CFAP77: variants seen among roughly 807,000 people sequenced by gnomAD.
CFAP77 encodes cilia- and flagella-associated protein 77.
Under a neutral mutation model 31.1 loss-of-function variants are expected in CFAP77, and 25 were observed. The observed-to-expected ratio is 0.80, with a 90% CI of 0.59 to 1.12. The LOEUF (loss-of-function observed/expected upper bound fraction) is 1.12, where lower values mean the gene tolerates loss of function less well. Among genes scored for constraint, CFAP77 ranks in the 50% most tolerant of loss-of-function variants. CFAP77 has a pLI of 0.00. For missense variants in CFAP77, 377 were observed against 397.3 expected, an observed-to-expected ratio of 0.95 and a Z score of 0.44; for synonymous variants, 151 against 159.9, an observed-to-expected ratio of 0.94 and a Z score of 0.42.
At chr9:132,532,726 T>C (rs1852475230) in intron 3 of CFAP77, among the ~76,000 whole-genome samples, 2 of 152,172 alleles carry the variant, frequency 1.3e-5, no homozygotes, top group East Asian at 1.9e-4. Flanking sequence ...TCTGAGGTTC[T>C]GACCCCTTCC....
chr9:132,414,564 G>C (rs923089371), intron 1 of CFAP77, among the ~76,000 whole-genome samples: 1 of 150,224 alleles, frequency 6.7e-6, no homozygotes. Context: ...AATAAGACAG[G>C]CATTGTGATG....
intron 1 of CFAP77, chr9:132,482,312 T>C (rs756764613): frequency 4.3e-6 from 7 of 1,613,316 alleles, no homozygotes; most frequent in Non-Finnish European, 5.9e-6. Context: ...TTTCGTAGGC[T>C]GCCGGCCCGG....
intron 1 of CFAP77, among the ~76,000 whole-genome samples, chr9:132,437,860 A>T (rs1850537636): frequency 6.6e-6 from 1 of 151,466 alleles, no homozygotes. Context: ...ATGGGTATAT[A>T]GTAATTTCAC....
At chr9:132,462,688 C>T (rs752028503) in intron 1 of CFAP77, among the ~76,000 whole-genome samples, 3 of 152,050 alleles carry the variant, frequency 2.0e-5, no homozygotes, top group Non-Finnish European at 2.9e-5. Context: ...TGGTGGTGGG[C>T]GCCTGTAATC....
At chr9:132,537,549 T>G in intron 3 of CFAP77, 52 bp from the exon 4 acceptor site, 2 of 1,389,076 alleles carry the variant, frequency 1.4e-6, no homozygotes, top group Non-Finnish European at 2.0e-6. Context: ...GGGGAGCGGG[T>G]GCCTCTGGTC....
Position 132,424,806 on chromosome 9 carries a change from C to T in CFAP77, c.195+14340C>T, listed in dbSNP as rs1348660959. Among the ~76,000 whole-genome samples the T allele has an allele frequency of 6.6e-6, 1 of 152,254 alleles. No individual in the cohort carries two copies. Among genetic ancestry groups the T allele is most frequent in the Non-Finnish European group, 1.5e-5 (1 of 68,038 alleles). On this transcript the variant is annotated intron_variant, in intron 1 of 5. Coordinates refer to ENST00000393216, the MANE Select transcript of CFAP77 (RefSeq NM_001282957.2). The surrounding 1 kb of genome is among the most constrained non-coding windows in gnomAD (Gnocchi z 4.1). ...GAGCCAGGATGGCTGGGGGCAAAAC[C>T]TCCATCAAGGCTGAGCAGAGCGGCC...
At chr9:132,509,626 A>T (rs1160444762) in intron 3 of CFAP77, among the ~76,000 whole-genome samples, 1 of 152,126 alleles carries the variant, frequency 6.6e-6, no homozygotes, top group African/African-American at 2.4e-5. Flanking sequence ...AAAATTAGCC[A>T]GGTGTGGTGG....
chr9:132,555,315 C>T (rs1346226780), intron 5 of CFAP77, among the ~76,000 whole-genome samples: 1 of 152,164 alleles, frequency 6.6e-6, no homozygotes. Flanking sequence ...AACACCAAAC[C>T]TCGTTGCAGT....
At chr9:132,571,048 C>T (rs1334160164) in intron 5 of CFAP77, among the ~76,000 whole-genome samples, 3 of 152,138 alleles carry the variant, frequency 2.0e-5, no homozygotes, top group Non-Finnish European at 4.4e-5. Context: ...TTCATCCTCT[C>T]TCCCCACATT....
At chr9:132,543,924 C>T (rs1852689320) in intron 5 of CFAP77, among the ~76,000 whole-genome samples, 1 of 152,164 alleles carries the variant, frequency 6.6e-6, no homozygotes, top group South Asian at 2.1e-4. Flanking sequence ...GGAACAGTGG[C>T]TTCAGGATGG....
intron 1 of CFAP77, among the ~76,000 whole-genome samples, chr9:132,411,534 G>A (rs879506650): frequency 6.6e-6 from 1 of 152,180 alleles, no homozygotes; most frequent in Non-Finnish European, 1.5e-5. Context: ...TGCACCTGGG[G>A]GAGGCTGGCT....
chr9:132,438,518 G>GTTATATATATATATATATATATAT (rs1334397510), intron 1 of CFAP77, among the ~76,000 whole-genome samples: 52 of 111,164 alleles, frequency 4.7e-4, no homozygotes, highest in Non-Finnish European at 6.2e-4. Context: ...GAACAGATAT[G>GTTATATATATATATATATATATAT]GTATATATAT....
chr9:132,485,438 C>T (rs964870844), intron 1 of CFAP77, among the ~76,000 whole-genome samples: 6 of 152,204 alleles, frequency 3.9e-5, no homozygotes, highest in South Asian at 4.1e-4. Context: ...CCCCCAAGCT[C>T]ATGTTCTTAA....
rs2119059104 is a variant in CFAP77 at position 132,539,199 on chromosome 9, A to T, written c.630+1493A>T. Among the ~76,000 whole-genome samples the T allele has an allele frequency of 6.6e-6, 1 of 152,338 alleles. No individual in the cohort carries two copies. Among genetic ancestry groups the T allele is most frequent in the African/African-American group, 2.4e-5 (1 of 41,578 alleles). On this transcript the variant is annotated intron_variant, in intron 4 of 5. Transcript: ENST00000393216. This position sits in a 1 kb window ranked among gnomAD's most constrained non-coding sequence, Gnocchi z 4.3. The stretch of plus-strand genomic sequence containing the variant: ...TTGGCCTCCTCGGCAGTAGGTCCAG[A>T]CTGACGATGGTAAAATCAGAATCAC...
chr9:132,486,026 A>ATATGTATG (rs1564223011), intron 1 of CFAP77, among the ~76,000 whole-genome samples: 4 of 26,782 alleles, frequency 1.5e-4, no homozygotes, highest in Non-Finnish European at 2.4e-4. Context: ...ATATATATAT[A>ATATGTATG]TATATATATA....
rs574845173 is a variant in CFAP77, at chr9:132,508,890, T to C, written c.524+9290T>C. 1.4e-4 allele frequency among the ~76,000 whole-genome samples: 22 copies of C among 152,278 alleles called. No homozygotes were observed. In the East Asian group the frequency reaches 4.1e-3, roughly 28 times the overall value. ...TGGCTAGTTGGAGGCAGCACCAGGA[T>C]TTGAGCCGAGTCTCCCTCCAGGGCG... On this transcript the variant is annotated intron_variant, in intron 3 of 5. Coordinates refer to ENST00000393216, the MANE Select transcript of CFAP77 (RefSeq NM_001282957.2).
At chr9:132,531,683 C>G (rs936679628) in intron 3 of CFAP77, among the ~76,000 whole-genome samples, 1 of 151,448 alleles carries the variant, frequency 6.6e-6, no homozygotes, top group Admixed American at 6.6e-5. Flanking sequence ...GACTTATGTC[C>G]TAGGTTCTCC....
At chr9:132,477,864 G>A (rs996902128) in intron 1 of CFAP77, among the ~76,000 whole-genome samples, 3 of 152,196 alleles carry the variant, frequency 2.0e-5, no homozygotes, top group Admixed American at 6.5e-5. Flanking sequence ...TCACGAGGGA[G>A]GAGCCACTGA....
In CFAP77 at chr9:132,481,463, G is replaced by T. The variant is rs1367191408; in HGVS notation, c.196-17232G>T. Among the ~76,000 whole-genome samples, 1 of 152,220 alleles carries T rather than the reference G, an allele frequency of 6.6e-6. No individual in the cohort carries two copies. Among genetic ancestry groups the T allele is most frequent in the Non-Finnish European group, 1.5e-5 (1 of 68,034 alleles). On this transcript the variant is annotated intron_variant, in intron 1 of 5. Transcript: ENST00000393216. The surrounding 1 kb of genome is among the most constrained non-coding windows in gnomAD (Gnocchi z 5.0). Reference sequence around the variant, plus strand: ...CCTTACACTCCTCCCTCCCCAGCAAGATTTCATCCATCTTTGTGTGCTCAA... The same window carrying T: ...CCTTACACTCCTCCCTCCCCAGCAATATTTCATCCATCTTTGTGTGCTCAA...
Sources: gnomAD v4.1 joint callset for allele counts (sites outside exome capture counted in the v4.1 genomes callset) on GRCh38, gnomAD v4.1.1 for gene constraint, Gnocchi (gnomAD v3.1) non-coding constraint, MANE v1.5 for transcripts, NCBI Gene and HGNC (gene_info 2026-07-23, HGNC 2026-07-21) for gene names.